Variants in KLRG1 observed in about 807,000 individuals in gnomAD.
The protein encoded by KLRG1 is killer cell lectin-like receptor subfamily G member 1.
Under a neutral mutation model 21.8 loss-of-function variants are expected in KLRG1, and 16 were observed. The observed-to-expected ratio is 0.73, with a 90% CI of 0.50 to 1.11. The LOEUF (loss-of-function observed/expected upper bound fraction) is 1.11. Among genes scored for constraint, KLRG1 ranks in the 50% most tolerant of loss-of-function variants. KLRG1 has a pLI of 0.00. For synonymous variants in KLRG1, 69 were observed against 75.9 expected, an observed-to-expected ratio of 0.91 and a Z score of 0.47; for missense variants, 173 against 218.3, an observed-to-expected ratio of 0.79 and a Z score of 1.31.
At chr12:9,073,607 C>T in the KLRG1 span, among the ~76,000 whole-genome samples, 2 of 152,006 alleles carry the variant, frequency 1.3e-5, no homozygotes, top group Admixed American at 6.6e-5. Flanking sequence ...GGATGGAATG[C>T]CATTTTGTCA....
At chr12:9,159,646 A>AAGAAG in the KLRG1 span, among the ~76,000 whole-genome samples, 1 of 151,858 alleles carries the variant, frequency 6.6e-6, no homozygotes, top group African/African-American at 2.4e-5. Flanking sequence ...AAGAAAAGAA[A>AAGAAG]AGAAGAGAAG....
At chr12:8,957,203 T>C (rs1372015003) in intron 1 of KLRG1, among the ~76,000 whole-genome samples, 1 of 152,228 alleles carries the variant, frequency 6.6e-6, no homozygotes, top group Admixed American at 6.5e-5. Flanking sequence ...TGGGGTAGTA[T>C]TACATTTTAT....
At chr12:9,168,121 A>G in the KLRG1 span, among the ~76,000 whole-genome samples, 4 of 152,202 alleles carry the variant, frequency 2.6e-5, no homozygotes, top group Non-Finnish European at 5.9e-5. Context: ...GTGTTGGTGC[A>G]TTATATTTAG....
At chr12:9,006,305 G>A (rs1592281132) in intron 3 of KLRG1, among the ~76,000 whole-genome samples, 1 of 152,192 alleles carries the variant, frequency 6.6e-6, no homozygotes, top group East Asian at 1.9e-4. Flanking sequence ...GTTAGTTAAG[G>A]AAGGCCTCTT....
At chr12:9,053,683 A>G in the KLRG1 span, among the ~76,000 whole-genome samples, 4 of 152,176 alleles carry the variant, frequency 2.6e-5, no homozygotes, top group Non-Finnish European at 5.9e-5. Context: ...CTGTGCTCGG[A>G]CCTGCTTCCT....
the KLRG1 span, among the ~76,000 whole-genome samples, chr12:9,132,272 T>G: frequency 6.6e-6 from 1 of 152,206 alleles, no homozygotes. Context: ...CAGCTGCTAG[T>G]TGCTTTTCTG....
chr12:9,125,651 T>G, the KLRG1 span, among the ~76,000 whole-genome samples: 3 of 152,238 alleles, frequency 2.0e-5, no homozygotes, highest in Non-Finnish European at 4.4e-5. Flanking sequence ...TTCCTCTCCA[T>G]GGACTCTTTC....
At chr12:9,183,408 A>ATT in the KLRG1 span, among the ~76,000 whole-genome samples, 123 of 151,250 alleles carry the variant, frequency 8.1e-4, no homozygotes, top group East Asian at 0.014. Flanking sequence ...AATAAATGTA[A>ATT]TTTTTTTTTG....
At chr12:8,966,166 A>G (rs1946468292) in intron 1 of KLRG1, among the ~76,000 whole-genome samples, 1 of 152,218 alleles carries the variant, frequency 6.6e-6, no homozygotes, top group South Asian at 2.1e-4. Flanking sequence ...TCACTTCCTT[A>G]CACCTTATAC....
At chr12:9,147,218 A>G in the KLRG1 span, among the ~76,000 whole-genome samples, 378 of 152,324 alleles carry the variant, frequency 2.5e-3, 4 homozygotes, top group Middle Eastern at 0.02. Flanking sequence ...AGAAGGATCT[A>G]TAGTGCCTAC....
At chr12:9,061,952 T>C in the KLRG1 span, among the ~76,000 whole-genome samples, 6 of 152,048 alleles carry the variant, frequency 3.9e-5, no homozygotes, top group African/African-American at 1.4e-4. Context: ...CTGAACTGTA[T>C]AGTATATCTG....
chr12:8,974,312 C>A (rs188186783), intron 1 of KLRG1, among the ~76,000 whole-genome samples: 1 of 151,996 alleles, frequency 6.6e-6, no homozygotes, highest in Non-Finnish European at 1.5e-5. Context: ...GGACTACAAG[C>A]GTCCACCACC....
the KLRG1 span, chr12:9,152,115 T>G: frequency 1.1e-6 from 1 of 888,910 alleles, no homozygotes; most frequent in East Asian, 2.5e-5. Context: ...AAATATTTTT[T>G]TGAGGCAGGA....
At chr12:9,132,027 G>T in the KLRG1 span, among the ~76,000 whole-genome samples, 1 of 152,112 alleles carries the variant, frequency 6.6e-6, no homozygotes, top group African/African-American at 2.4e-5. Flanking sequence ...TTAAAAAGAA[G>T]AGTTGTAGTG....
the KLRG1 span, chr12:9,072,469 A>G: frequency 1.9e-6 from 3 of 1,611,920 alleles, no homozygotes; most frequent in East Asian, 4.5e-5. Flanking sequence ...CTGGGAGAAT[A>G]TTGTATTTCA....
chr12:9,186,765 A>G, the KLRG1 span, among the ~76,000 whole-genome samples: 1 of 147,268 alleles, frequency 6.8e-6, no homozygotes, highest in African/African-American at 2.5e-5. Flanking sequence ...AAAACCAAAC[A>G]CCACATGTTC....
chr12:9,199,008 G>A, the KLRG1 span, among the ~76,000 whole-genome samples: 1 of 152,146 alleles, frequency 6.6e-6, no homozygotes, highest in African/African-American at 2.4e-5. Flanking sequence ...AAAAGGAACT[G>A]TAAGAGGTAT....
the KLRG1 span, chr12:9,154,737 A>G: frequency 6.2e-7 from 1 of 1,614,140 alleles, no homozygotes; most frequent in Non-Finnish European, 8.5e-7. Context: ...AGCGAGGAGC[A>G]CATAGGATGT....
chr12:9,134,642 T>C, the KLRG1 span, among the ~76,000 whole-genome samples: 1 of 152,230 alleles, frequency 6.6e-6, no homozygotes, highest in Non-Finnish European at 1.5e-5. Context: ...CTGTTTTAGA[T>C]AAATCATGTA....
Sources: gnomAD v4.1 joint callset for allele counts (sites outside exome capture counted in the v4.1 genomes callset) on GRCh38, gnomAD v4.1.1 for gene constraint, MANE v1.5 for transcripts, NCBI Gene and HGNC (gene_info 2026-07-23, HGNC 2026-07-21) for gene names.